The following CFAP57 variants were observed in gnomAD, a reference collection of about 807,000 sequenced individuals.
The protein encoded by CFAP57 is cilia- and flagella-associated protein 57.
In CFAP57, 116 loss-of-function variants were observed where a neutral mutation model predicts 146.8. The ratio of observed to expected loss-of-function variants is 0.79; its 90% CI spans 0.68 to 0.92. CFAP57 has a LOEUF of 0.92. Among genes scored for constraint, CFAP57 ranks in the 40% least tolerant of loss-of-function variants. The pLI, the probability that CFAP57 is intolerant of heterozygous loss-of-function variation, is 0.00. For synonymous variants in CFAP57, 518 were observed against 552.8 expected (o/e 0.94, Z 0.88); for missense variants, 1,377 against 1,527.2 (o/e 0.90, Z 1.64).
At chr1:43,188,813 T>A (rs1172872745) in intron 6 of CFAP57, among the ~76,000 whole-genome samples, 1 of 152,232 alleles carries the variant, frequency 6.6e-6, no homozygotes, top group Non-Finnish European at 1.5e-5. Flanking sequence ...GCTTTCCATG[T>A]TATATTTAAG....
chr1:43,186,993 A>G, intron 6 of CFAP57, 134 bp downstream of exon 6: 1 of 1,043,898 alleles, frequency 9.6e-7, no homozygotes. Flanking sequence ...GAGCAAAACA[A>G]AATTCTAATT....
chr1:43,238,371 A>G lies in CFAP57; in HGVS notation c.3405+3733A>G, dbSNP rs1215443593. 6.6e-6 allele frequency among the ~76,000 whole-genome samples: 1 copy of G among 152,244 alleles called. No homozygotes were observed. The highest frequency in any genetic ancestry group is 2.4e-5 in the African/African-American group (1 of 41,470). On this transcript the variant is annotated intron_variant, in intron 21 of 22. Coordinates refer to ENST00000372492, the MANE Select transcript of CFAP57 (RefSeq NM_001378189.1). This position sits in a 1 kb window ranked among gnomAD's most constrained non-coding sequence, Gnocchi z 4.3. ...TCAGTCAGTTCCAAAGGCCAAAGGCAGTCCTGGACAGCTTGGCAGAGCCCC... is the reference window on the plus strand; with the variant it reads ...TCAGTCAGTTCCAAAGGCCAAAGGCGGTCCTGGACAGCTTGGCAGAGCCCC...
chr1:43,235,275 A>G (rs1294689877), intron 21 of CFAP57, among the ~76,000 whole-genome samples: 1 of 151,798 alleles, frequency 6.6e-6, no homozygotes, highest in African/African-American at 2.4e-5. Context: ...GCCTGACCCC[A>G]TTACTGCCGC....
rs1326856132 is a variant in CFAP57 at position 43,226,969 on chromosome 1, C to A, written c.2866-14C>A. ...CTTACAATATCTCTCACTTCTCTCT[C>A]ATCTCACCCCCAGGAGAAGCGAATT... On this transcript the variant is annotated splice_polypyrimidine_tract_variant and intron_variant, in intron 17 of 22. Transcript: ENST00000372492. 3.3e-6 allele frequency: 5 copies of A among 1,493,830 alleles called. No individual in the cohort carries two copies. The highest frequency in any genetic ancestry group is 4.5e-6 in the Non-Finnish European group (5 of 1,122,260). The allele number at this position is 1,493,830 out of a possible 1,614,324, so 92.5% of individuals were successfully genotyped here.
Position 43,222,737 on chromosome 1 carries a change from C to T in CFAP57, c.2533-87C>T, listed in dbSNP as rs1645095550. 8.5e-6 allele frequency: 12 copies of T among 1,411,960 alleles called. No individual in the cohort carries two copies. The South Asian group carries it at 1.9e-4, about 22-fold the overall frequency. The allele number at this position is 1,411,960 out of a possible 1,614,324, so 87.5% of individuals were successfully genotyped here. On this transcript the variant is annotated intron_variant, in intron 15 of 22. Transcript: ENST00000372492. Reference sequence around the variant, plus strand: ...GCCTTTGACTCCCTGGGACAGGTCCCCATGCTCATCTCACCTCAAGCCCTG... The same window carrying T: ...GCCTTTGACTCCCTGGGACAGGTCCTCATGCTCATCTCACCTCAAGCCCTG...
chr1:43,221,565 T>C, intron 14 of CFAP57, 100 bp downstream of exon 14: 2 of 735,300 alleles, frequency 2.7e-6, no homozygotes, highest in Non-Finnish European at 4.1e-6. Flanking sequence ...TCTCAGGGAA[T>C]ATGGCTCTGT....
chr1:43,180,221 T>TATATA (rs1553169892), intron 2 of CFAP57, among the ~76,000 whole-genome samples: 3 of 125,592 alleles, frequency 2.4e-5, no homozygotes, highest in African/African-American at 1.2e-4. Context: ...AATATATATA[T>TATATA]TTTATATATA....
intron 2 of CFAP57, among the ~76,000 whole-genome samples, chr1:43,173,980 G>T (rs1022782084): frequency 3.3e-5 from 5 of 152,064 alleles, no homozygotes; most frequent in Non-Finnish European, 2.9e-5. Context: ...AAGGAATTGT[G>T]GTTTTCGTTT....
chr1:43,210,577 A>G (rs1644559613), intron 11 of CFAP57: 1 of 275,038 alleles, frequency 3.6e-6, no homozygotes, highest in Non-Finnish European at 5.8e-6. Flanking sequence ...CAACCACAAA[A>G]AGATAAGTAC....
At chr1:43,185,543 T>A (rs911639363) in intron 5 of CFAP57, among the ~76,000 whole-genome samples, 187 bp downstream of exon 5, 6 of 151,068 alleles carry the variant, frequency 4.0e-5, no homozygotes, top group African/African-American at 1.5e-4. Context: ...AGAATTAGAG[T>A]TTAAAAATAG....
chr1:43,239,056 C>G (rs937084666), intron 21 of CFAP57, among the ~76,000 whole-genome samples: 1 of 152,116 alleles, frequency 6.6e-6, no homozygotes, highest in East Asian at 1.9e-4. Context: ...ACACTCTTCT[C>G]CTCTGTCTCC....
intron 22 of CFAP57, among the ~76,000 whole-genome samples, chr1:43,251,321 C>T (rs1014136361): frequency 3.9e-5 from 6 of 152,130 alleles, no homozygotes; most frequent in African/African-American, 9.7e-5. Flanking sequence ...CTGACTAAAA[C>T]GGGGAGGGTT....
chr1:43,183,251 C>T (rs1645492399), intron 3 of CFAP57, among the ~76,000 whole-genome samples: 1 of 152,200 alleles, frequency 6.6e-6, no homozygotes, highest in South Asian at 2.1e-4. Context: ...TCCTCTTGGA[C>T]AGGGCTATGT....
chr1:43,227,241 C>A, intron 18 of CFAP57, 115 bp downstream of exon 18: 2 of 1,259,850 alleles, frequency 1.6e-6, no homozygotes, highest in Non-Finnish European at 2.1e-6. Context: ...TCTCTGCTCC[C>A]AAGGTGTGTG....
intron 21 of CFAP57, among the ~76,000 whole-genome samples, chr1:43,239,834 T>G (rs1002159647): frequency 1.3e-5 from 2 of 152,222 alleles, no homozygotes. Flanking sequence ...TGTTCTGGTC[T>G]CTTTCACCTG....
chr1:43,197,907 G>A (rs1037070297), intron 7 of CFAP57, among the ~76,000 whole-genome samples: 3 of 152,200 alleles, frequency 2.0e-5, no homozygotes, highest in African/African-American at 7.2e-5. Context: ...CCACATGCTA[G>A]ACACTGGGGA....
In CFAP57 at chr1:43,206,895, G is replaced by A. The variant is rs1644380321; in HGVS notation, c.1718G>A (p.Gly573Glu). The change falls in exon 10 of 23, where the codon GGA becomes GAA. Residue 573 changes from glycine (G) to glutamate (E), a missense_variant. By Grantham distance (98) the Gly-to-Glu change is moderately conservative. Coordinates refer to ENST00000372492, the MANE Select transcript of CFAP57 (RefSeq NM_001378189.1). ...GATGCCAAAATTATCTTTGCTGTTGGATCAGACCACACCCTCAAGGAGATT... is the reference window on the plus strand; with the variant it reads ...GATGCCAAAATTATCTTTGCTGTTGAATCAGACCACACCCTCAAGGAGATT... Reference protein sequence around the residue: ...SPDAKIIFAVGSDHTLKEIAD... With the variant: ...SPDAKIIFAVESDHTLKEIAD... The A allele has an allele frequency of 3.7e-6, 6 of 1,614,038 alleles. No homozygotes were observed. The highest frequency in any genetic ancestry group is 5.1e-6 in the Non-Finnish European group (6 of 1,180,018).
chr1:43,211,575 CAAAAAAAA>C (rs34882991), intron 11 of CFAP57: 2 of 130,570 alleles, frequency 1.5e-5, no homozygotes, highest in Non-Finnish European at 3.2e-5. Context: ...ATTCTGTCTC[CAAAAAAAA>C]AAAAAAAAAT....
intron 6 of CFAP57, among the ~76,000 whole-genome samples, chr1:43,190,601 T>G (rs906492384): frequency 2.0e-5 from 3 of 152,028 alleles, no homozygotes; most frequent in African/African-American, 7.2e-5. Context: ...AGTTTGATGC[T>G]GTCTGTAGGT....
Sources: allele counts gnomAD v4.1 joint callset (sites outside exome capture counted in the v4.1 genomes callset), GRCh38; gene constraint gnomAD v4.1.1; non-coding constraint Gnocchi (gnomAD v3.1); transcripts MANE v1.5; gene names NCBI Gene and HGNC (gene_info 2026-07-23, HGNC 2026-07-21).